RYR3: variants seen among roughly 807,000 people sequenced by gnomAD.
RYR3 encodes ryanodine receptor 3.
RYR3 carries 207 observed loss-of-function variants against 584.3 expected under a neutral mutation model. The ratio of observed to expected loss-of-function variants is 0.35; its 90% CI spans 0.32 to 0.40. The LOEUF (loss-of-function observed/expected upper bound fraction) is 0.40. Among genes scored for constraint, RYR3 ranks in the 10% least tolerant of loss-of-function variants. The pLI is 1.00. For missense variants in RYR3, 5,616 were observed against 6,089.2 expected (o/e 0.92, Z 2.59); for synonymous variants, 2,416 against 2,248.5 (o/e 1.07, Z -2.11).
intron 46 of RYR3, among the ~76,000 whole-genome samples, chr15:33,726,727 T>C (rs1596327818): frequency 6.6e-6 from 1 of 152,248 alleles, no homozygotes; most frequent in African/African-American, 2.4e-5. Flanking sequence ...ATAAATCGAC[T>C]CCTGATTCCT....
chr15:33,591,629 A>G (rs2059133444), intron 16 of RYR3, among the ~76,000 whole-genome samples: 1 of 152,192 alleles, frequency 6.6e-6, no homozygotes, highest in Non-Finnish European at 1.5e-5. Context: ...AATATAAATA[A>G]TGTATGCATT....
At chr15:33,652,663 T>C in intron 31 of RYR3, 55 bp from the exon 32 acceptor site, 1 of 1,565,290 alleles carries the variant, frequency 6.4e-7, no homozygotes, top group South Asian at 1.2e-5. Flanking sequence ...TCCTGAGTCT[T>C]GATTACAAAC....
chr15:33,748,410 G>A, intron 54 of RYR3, 58 bp from the exon 55 acceptor site: 3 of 1,568,536 alleles, frequency 1.9e-6, no homozygotes, highest in Non-Finnish European at 2.6e-6. Context: ...AGTTGGGGAT[G>A]CCTGATAAGA....
At chr15:33,669,287 G>A in intron 36 of RYR3, 67 bp from the exon 37 acceptor site, 3 of 1,266,872 alleles carry the variant, frequency 2.4e-6, no homozygotes, top group Non-Finnish European at 3.5e-6. Flanking sequence ...GTCTGTCTAA[G>A]GCAGGATCTG....
At chr15:33,687,493 G>A (rs28755009) in intron 38 of RYR3, among the ~76,000 whole-genome samples, 24,493 of 152,058 alleles carry the variant, frequency 0.16, 2,396 homozygotes, top group Admixed American at 0.31. Flanking sequence ...ACTGCCCAAG[G>A]TAATTTGTAG....
At chr15:33,619,148 A>G (rs774870164) in intron 19 of RYR3, among the ~76,000 whole-genome samples, 18 of 152,212 alleles carry the variant, frequency 1.2e-4, no homozygotes, top group African/African-American at 1.7e-4. Context: ...GAAGGAAAAA[A>G]TCTTTGAGAG....
At chr15:33,420,736 C>A (rs2044180458) in intron 1 of RYR3, among the ~76,000 whole-genome samples, 1 of 152,018 alleles carries the variant, frequency 6.6e-6, no homozygotes, top group Non-Finnish European at 1.5e-5. Context: ...TAGTTCTTTG[C>A]CTACCTTATA....
chr15:33,411,386 A>G (rs1299241473), intron 1 of RYR3, among the ~76,000 whole-genome samples: 1 of 152,246 alleles, frequency 6.6e-6, no homozygotes, highest in Non-Finnish European at 1.5e-5. Context: ...GATGACAGAC[A>G]TCTGTCACTG....
rs1288559078 is a variant in RYR3, at chr15:33,509,343, C to T, written c.279+5605C>T. On this transcript the variant is annotated intron_variant, in intron 3 of 103. Coordinates refer to ENST00000634891, the MANE Select transcript of RYR3 (RefSeq NM_001036.6). ...TCCTGGGTTCCTGTGTGCCTGCCAA[C>T]ATTTTTATACCATAGAAGAAAAGGG... Among the ~76,000 whole-genome samples, 105 of 152,180 alleles carry T rather than the reference C, an allele frequency of 6.9e-4. 1 individual carries two copies. The highest frequency in any genetic ancestry group is 1.5e-5 in the Non-Finnish European group (1 of 68,030).
intron 10 of RYR3, 109 bp from the exon 11 acceptor site, chr15:33,562,728 G>A (rs2057475609): frequency 1.4e-6 from 1 of 714,390 alleles, no homozygotes; most frequent in Non-Finnish European, 2.3e-6. Context: ...GATTATTTTG[G>A]TAACCAGTTG....
intron 4 of RYR3, among the ~76,000 whole-genome samples, chr15:33,532,403 GA>G (rs767586902): frequency 1.4e-3 from 211 of 152,228 alleles, no homozygotes; most frequent in Non-Finnish European, 1.9e-3. Flanking sequence ...ATGGTCATGG[GA>G]AGGTCATCCA....
intron 2 of RYR3, among the ~76,000 whole-genome samples, chr15:33,480,709 C>T (rs2049883007): frequency 6.6e-6 from 1 of 152,154 alleles, no homozygotes; most frequent in African/African-American, 2.4e-5. Context: ...GCTCAGAAAA[C>T]ATTCTGTGTA....
intron 81 of RYR3, 126 bp downstream of exon 81, chr15:33,823,198 G>C: frequency 1.5e-6 from 1 of 687,410 alleles, no homozygotes; most frequent in Non-Finnish European, 2.4e-6. Flanking sequence ...CACCTACTTA[G>C]AAAGCTAAGA....
intron 1 of RYR3, among the ~76,000 whole-genome samples, chr15:33,331,488 C>G (rs767410089): frequency 6.6e-6 from 1 of 152,076 alleles, no homozygotes; most frequent in Non-Finnish European, 1.5e-5. Flanking sequence ...GAAATAGACT[C>G]TTAGTTTTTC....
At position 33,780,361 on chromosome 15, in the gene RYR3, G is replaced by A. The variant is rs1294850578; in HGVS notation, c.9268+20G>A. On this transcript the variant is annotated intron_variant, in intron 65 of 103. Transcript: ENST00000634891. ...GGTCTAGTAAGTATCTCCCCTCAAA[G>A]GTCATCAACCCATTTCATGTGCTGA... The A allele has an allele frequency of 6.2e-7, 1 of 1,612,490 alleles. No individual in the cohort carries two copies. Among genetic ancestry groups the A allele is most frequent in the Non-Finnish European group, 8.5e-7 (1 of 1,179,220 alleles).
intron 3 of RYR3, among the ~76,000 whole-genome samples, chr15:33,508,813 C>G (rs982965497): frequency 6.6e-6 from 1 of 152,268 alleles, no homozygotes; most frequent in South Asian, 2.1e-4. Flanking sequence ...GCTTTTGGCT[C>G]CTTTGATTTA....
At chr15:33,848,044 G>C (rs960287062) in intron 93 of RYR3, among the ~76,000 whole-genome samples, 45 of 152,314 alleles carry the variant, frequency 3.0e-4, no homozygotes, top group African/African-American at 9.4e-4. Context: ...AGTCTAGTTT[G>C]TATTAATATT....
chr15:33,773,736 G>C (rs1017904823), intron 64 of RYR3, 121 bp downstream of exon 64: 1 of 712,794 alleles, frequency 1.4e-6, no homozygotes, highest in Non-Finnish European at 2.5e-6. Context: ...GATACAGAAT[G>C]GTGGTTTTGA....
chr15:33,411,025 T>G (rs1392774818), intron 1 of RYR3, among the ~76,000 whole-genome samples: 1 of 152,150 alleles, frequency 6.6e-6, no homozygotes, highest in Non-Finnish European at 1.5e-5. Flanking sequence ...ATTCATTATC[T>G]CCACCTGGCT....
Sources: allele counts gnomAD v4.1 joint callset (sites outside exome capture counted in the v4.1 genomes callset), GRCh38; gene constraint gnomAD v4.1.1; transcripts MANE v1.5; gene names NCBI Gene and HGNC (gene_info 2026-07-23, HGNC 2026-07-21).